The following ANKRD28 variants were observed in gnomAD, a reference collection of about 807,000 sequenced individuals.
ANKRD28 encodes serine/threonine-protein phosphatase 6 regulatory ankyrin repeat subunit A.
A neutral mutation model predicts 126.5 loss-of-function variants in ANKRD28; 44 were observed. The observed-to-expected ratio is 0.35, with a 90% CI of 0.27 to 0.45. The LOEUF (loss-of-function observed/expected upper bound fraction) is 0.45. ANKRD28 is among the 20% of genes least tolerant of loss of function. The probability of loss-of-function intolerance (pLI) is 1.00; values close to 1 mark genes in which losing one functional copy is unlikely to be tolerated. For missense variants in ANKRD28, 1,110 were observed against 1,316.6 expected, an observed-to-expected ratio of 0.84 and a Z score of 2.43; for synonymous variants, 442 against 468.5, an observed-to-expected ratio of 0.94 and a Z score of 0.73.
chr3:15,761,979 A>G (rs2058481488), intron 3 of ANKRD28, among the ~76,000 whole-genome samples: 1 of 151,994 alleles, frequency 6.6e-6, no homozygotes, highest in Admixed American at 6.6e-5. Context: ...TGGGGTCAGG[A>G]GTTCGAGACC....
intron 2 of ANKRD28, among the ~76,000 whole-genome samples, chr3:15,768,608 T>C (rs2058854672): frequency 6.6e-6 from 1 of 151,466 alleles, no homozygotes; most frequent in African/African-American, 2.4e-5. Flanking sequence ...GCTATGACCA[T>C]GCCATTGCAC....
chr3:15,801,179 A>G (rs2060457885), upstream of ANKRD28, among the ~76,000 whole-genome samples: 1 of 152,154 alleles, frequency 6.6e-6, no homozygotes, highest in Non-Finnish European at 1.5e-5. This position sits in a 1 kb window ranked among gnomAD's most constrained non-coding sequence, Gnocchi z 4.9. Context: ...TATTCTTTAT[A>G]CTAAAATGTA....
intron 2 of ANKRD28, among the ~76,000 whole-genome samples, chr3:15,791,205 T>C (rs995952777): frequency 5.9e-5 from 9 of 151,852 alleles, no homozygotes; most frequent in Non-Finnish European, 1.2e-4. Flanking sequence ...TGGCAATCTA[T>C]AGATTCAATG....
intron 27 of ANKRD28, 57 bp from the exon 28 acceptor site, chr3:15,670,613 A>C (rs911225387): frequency 3.3e-6 from 5 of 1,524,370 alleles, no homozygotes; most frequent in Non-Finnish European, 4.4e-6. Context: ...TTCACCAAAG[A>C]CAAGGAAATA....
intron 3 of ANKRD28, among the ~76,000 whole-genome samples, chr3:15,754,315 A>C (rs2058041412): frequency 6.6e-6 from 1 of 152,092 alleles, no homozygotes; most frequent in African/African-American, 2.4e-5. Context: ...CCCTTTCCTT[A>C]TGGGACCCTC....
At chr3:15,825,183 C>T (rs1013983516) in intron 1 of ANKRD28, among the ~76,000 whole-genome samples, 1 of 152,148 alleles carries the variant, frequency 6.6e-6, no homozygotes, top group Admixed American at 6.5e-5. Flanking sequence ...GCCAATGAGG[C>T]TCACGCATGC....
At chr3:15,804,743 G>A (rs891156686) in intron 1 of ANKRD28, among the ~76,000 whole-genome samples, 7 of 145,020 alleles carry the variant, frequency 4.8e-5, no homozygotes, top group Non-Finnish European at 1.0e-4. Flanking sequence ...CTGGTGTGGA[G>A]GTTGTTAAAT....
Position 15,790,152 on chromosome 3 carries a change from TAA to T in ANKRD28, c.201+5069_201+5070del, listed in dbSNP as rs566090578. Among the ~76,000 whole-genome samples, 40 of 152,120 alleles carry T rather than the reference TAA, an allele frequency of 2.6e-4. 1 individual carries two copies. In the East Asian group the frequency reaches 7.5e-3, roughly 29 times the overall value. ...ACAAGTAATGAGATCAAAGCTGTAA[TAA>T]AAAGTCTTCTAGTAATGAAAAGGCC... On this transcript the variant is annotated intron_variant, in intron 2 of 27. Transcript: ENST00000683139.
At chr3:15,855,413 A>G (rs2061744216) in intron 1 of ANKRD28, among the ~76,000 whole-genome samples, 1 of 152,242 alleles carries the variant, frequency 6.6e-6, no homozygotes, top group African/African-American at 2.4e-5. Context: ...GGGAGCACAC[A>G]AAGATGGCTC....
intron 2 of ANKRD28, among the ~76,000 whole-genome samples, chr3:15,787,058 G>C (rs1410506510): frequency 1.3e-5 from 2 of 151,988 alleles, no homozygotes; most frequent in African/African-American, 2.4e-5. Context: ...CCCTCTAAGA[G>C]GGAACTAGTT....
intron 2 of ANKRD28, among the ~76,000 whole-genome samples, chr3:15,770,004 C>T (rs1575609630): frequency 1.3e-5 from 2 of 150,258 alleles, no homozygotes; most frequent in Non-Finnish European, 1.5e-5. Context: ...TGTCAGTGGA[C>T]TCCACATCCA....
intron 1 of ANKRD28, among the ~76,000 whole-genome samples, chr3:15,808,655 T>C (rs1182751701): frequency 1.3e-5 from 2 of 152,226 alleles, no homozygotes; most frequent in African/African-American, 4.8e-5. Context: ...GACCTTACTT[T>C]TTCAATTCTG....
At position 15,845,071 on chromosome 3, in the gene ANKRD28, G is replaced by A. The variant is rs1056054269; in HGVS notation, c.27+14306C>T. On this transcript the variant is annotated intron_variant, in intron 1 of 27. Transcript: ENST00000399451. This position sits in a 1 kb window ranked among gnomAD's most constrained non-coding sequence, Gnocchi z 4.9. Reference sequence around the variant, plus strand: ...GCACTTTTAAACAACCAGATCTCACGAGAATGTAGAACAGTACCAAAGGGG... The same window carrying A: ...GCACTTTTAAACAACCAGATCTCACAAGAATGTAGAACAGTACCAAAGGGG... 2.6e-5 allele frequency among the ~76,000 whole-genome samples: 4 copies of A among 152,126 alleles called. No individual in the cohort carries two copies. Among genetic ancestry groups the A allele is most frequent in the African/African-American group, 9.7e-5 (4 of 41,412 alleles).
chr3:15,678,137 G>T lies in ANKRD28; in HGVS notation c.2707+72C>A, dbSNP rs187526139. 189 of 1,415,078 alleles carry T rather than the reference G, an allele frequency of 1.3e-4. No homozygotes were observed. In the African/African-American group the frequency reaches 2.4e-3, roughly 18 times the overall value. The allele number at this position is 1,415,078 out of a possible 1,614,324, so 87.7% of individuals were successfully genotyped here. On this transcript the variant is annotated intron_variant, in intron 24 of 27. Coordinates refer to ENST00000683139, the MANE Select transcript of ANKRD28 (RefSeq NM_001349278.2). The stretch of plus-strand genomic sequence containing the variant: ...GTAAGATAACTAGTTGAAGTCAGAA[G>T]TCTTGGGATCTAAGTTATACATAAG...
chr3:15,820,485 A>AT (rs536508485), intron 1 of ANKRD28, among the ~76,000 whole-genome samples: 120 of 152,340 alleles, frequency 7.9e-4, no homozygotes, highest in African/African-American at 2.8e-3. Context: ...AAGTTCTTCA[A>AT]TAAATACATT....
At chr3:15,759,317 T>C (rs2058334624) in intron 3 of ANKRD28, among the ~76,000 whole-genome samples, 3 of 151,048 alleles carry the variant, frequency 2.0e-5, no homozygotes. Context: ...TTTCCTTATA[T>C]AATACCTTCA....
chr3:15,731,536 T>G (rs568534909), intron 6 of ANKRD28, among the ~76,000 whole-genome samples: 16 of 152,230 alleles, frequency 1.1e-4, no homozygotes, highest in Admixed American at 1.0e-3. Context: ...GGCTATTACC[T>G]TCAATTAACA....
At chr3:15,762,671 A>T (rs1173654462) in intron 3 of ANKRD28, among the ~76,000 whole-genome samples, 1 of 152,196 alleles carries the variant, frequency 6.6e-6, no homozygotes, top group Non-Finnish European at 1.5e-5. Context: ...AAGAAAGCAT[A>T]TCTAAAAGTC....
At chr3:15,739,781 T>C (rs573693873) in intron 4 of ANKRD28, among the ~76,000 whole-genome samples, 3 of 152,302 alleles carry the variant, frequency 2.0e-5, no homozygotes, top group African/African-American at 2.4e-5. Context: ...TCAGAACAGT[T>C]TGAAACATGG....
Sources: allele counts gnomAD v4.1 joint callset (sites outside exome capture counted in the v4.1 genomes callset), GRCh38; gene constraint gnomAD v4.1.1; non-coding constraint Gnocchi (gnomAD v3.1); transcripts MANE v1.5; gene names NCBI Gene and HGNC (gene_info 2026-07-23, HGNC 2026-07-21).